SLC6A11: variants seen among roughly 807,000 people sequenced by gnomAD.
SLC6A11 encodes solute carrier family 6 member 11.
A neutral mutation model predicts 74.8 loss-of-function variants in SLC6A11; 25 were observed. That is an observed-to-expected ratio of 0.33 (90% CI 0.24 to 0.47). SLC6A11 has a LOEUF of 0.47. Among genes scored for constraint, SLC6A11 ranks in the 20% least tolerant of loss-of-function variants. The pLI, the probability that SLC6A11 is intolerant of heterozygous loss-of-function variation, is 1.00. For synonymous variants in SLC6A11, 330 were observed against 330.2 expected (o/e 1.00, Z 0.01); for missense variants, 574 against 837.0 (o/e 0.69, Z 3.88).
At chr3:10,838,146 G>A (rs549888231) in intron 4 of SLC6A11, among the ~76,000 whole-genome samples, 1 of 152,342 alleles carries the variant, frequency 6.6e-6, no homozygotes, top group South Asian at 2.1e-4. Flanking sequence ...CCCAGGCTGG[G>A]CTGGGACCTA....
chr3:10,880,602 C>T (rs1694963606), intron 6 of SLC6A11, among the ~76,000 whole-genome samples: 1 of 152,098 alleles, frequency 6.6e-6, no homozygotes, highest in Admixed American at 6.5e-5. Context: ...TCAGGCTGAG[C>T]TCCAGGATAC....
At chr3:10,827,634 A>T (rs1408664320) in intron 4 of SLC6A11, among the ~76,000 whole-genome samples, 2 of 152,202 alleles carry the variant, frequency 1.3e-5, no homozygotes, top group Admixed American at 1.3e-4. Context: ...ATTATAGTTC[A>T]ATCATTTGAC....
Position 10,915,297 on chromosome 3 carries a change from A to G in SLC6A11, c.996-3032A>G, listed in dbSNP as rs1444131588. Among the ~76,000 whole-genome samples the G allele has an allele frequency of 1.3e-5, 2 of 152,160 alleles. No homozygotes were observed. The highest frequency in any genetic ancestry group is 6.5e-5 in the Admixed American group (1 of 15,286). On this transcript the variant is annotated intron_variant, in intron 7 of 13. Transcript: ENST00000254488. This position sits in a 1 kb window ranked among gnomAD's most constrained non-coding sequence, Gnocchi z 4.3. ...GCGTGGAGGATGTATGCTGTCAGCC[A>G]TGGGTCCCTTCTGCTTCCCCCTCCA... is the stretch of plus-strand genomic sequence containing the variant.
intron 6 of SLC6A11, among the ~76,000 whole-genome samples, chr3:10,904,468 C>T (rs1695278441): frequency 6.6e-6 from 1 of 152,218 alleles, no homozygotes; most frequent in African/African-American, 2.4e-5. Flanking sequence ...AGCTGCACTG[C>T]CAGAACGCCC....
chr3:10,840,332 A>G (rs1694421676), intron 4 of SLC6A11, among the ~76,000 whole-genome samples: 1 of 151,926 alleles, frequency 6.6e-6, no homozygotes, highest in African/African-American at 2.4e-5. Context: ...TTCTTTGCTA[A>G]CTTTCCTTCT....
Position 10,933,165 on chromosome 3 carries a change from CT to C in SLC6A11, c.1388del (p.Phe463SerfsTer41), listed in dbSNP as rs1695712694. 1 of 1,613,774 alleles carries C rather than the reference CT, an allele frequency of 6.2e-7. No individual in the cohort carries two copies. The highest frequency in any genetic ancestry group is 8.5e-7 in the Non-Finnish European group (1 of 1,179,796). ...VMLTEGGMYI[F>X]QLFDSYAASG... The stretch of plus-strand genomic sequence containing the variant: ...CCGACCTGCAGGGTGGCATGTACAT[CT>C]TCCAGCTCTTTGACTCCTATGCCGC... On this transcript the variant is annotated frameshift_variant, in exon 11 of 14. Coordinates refer to ENST00000254488, the MANE Select transcript of SLC6A11 (RefSeq NM_014229.3). LOFTEE classifies it high-confidence loss of function.
chr3:10,929,289 C>T lies in SLC6A11; in HGVS notation c.1321C>T (p.Leu441=), dbSNP rs367634364. The change falls in exon 10 of 14, where the codon CTA becomes TTA. Residue 441 remains leucine, a synonymous_variant. Transcript: ENST00000254488. The part of the protein sequence containing the change: ...RRGYRRELLI[L]ALSVISYFLG... ...GGGTTACCGGCGGGAGCTGCTCATC[C>T]TAGCCTTGTCTGTTATCTCCTATTT... The T allele has an allele frequency of 3.1e-6, 5 of 1,614,036 alleles. No homozygotes were observed. In the African/African-American group the frequency reaches 6.7e-5, roughly 22 times the overall value.
chr3:10,819,366 C>T (rs1694106133), intron 1 of SLC6A11, 99 bp from the exon 2 acceptor site: 18 of 1,237,142 alleles, frequency 1.5e-5, no homozygotes, highest in Non-Finnish European at 1.9e-5. Flanking sequence ...GTTCAAAGAA[C>T]ATCATGTCTG....
At chr3:10,827,260 T>C (rs570404825) in intron 4 of SLC6A11, among the ~76,000 whole-genome samples, 12 of 152,310 alleles carry the variant, frequency 7.9e-5, no homozygotes, top group African/African-American at 2.9e-4. Flanking sequence ...TATTTTCCTA[T>C]GGAATAAATT....
intron 5 of SLC6A11, among the ~76,000 whole-genome samples, chr3:10,858,572 CTTATG>C (rs1189891977): frequency 6.6e-6 from 1 of 152,188 alleles, no homozygotes; most frequent in East Asian, 1.9e-4. Flanking sequence ...CAATCACTAA[CTTATG>C]TTATGTCATT....
chr3:10,875,196 C>T, intron 6 of SLC6A11, 101 bp downstream of exon 6: 2 of 1,022,936 alleles, frequency 2.0e-6, no homozygotes, highest in Non-Finnish European at 2.7e-6. Context: ...GCTGGTTGAA[C>T]AGTGGAAAGC....
intron 1 of SLC6A11, among the ~76,000 whole-genome samples, chr3:10,818,521 A>G (rs935472861): frequency 3.9e-5 from 6 of 152,238 alleles, no homozygotes; most frequent in African/African-American, 7.2e-5. Flanking sequence ...CAGAAAAGCT[A>G]AGACCCTTTC....
At chr3:10,876,766 C>CCA (rs1694913601) in intron 6 of SLC6A11, among the ~76,000 whole-genome samples, 1 of 91,264 alleles carries the variant, frequency 1.1e-5, no homozygotes, top group African/African-American at 4.2e-5. Flanking sequence ...ACCTCCCACA[C>CCA]AGAGAGAGAG....
At chr3:10,912,260 A>AGAGG in intron 7 of SLC6A11, 67 bp downstream of exon 7, 1 of 1,099,146 alleles carries the variant, frequency 9.1e-7, no homozygotes, top group Non-Finnish European at 1.4e-6. Context: ...CTGCCAGGCT[A>AGAGG]GTTTATGTTT....
chr3:10,844,125 A>G, intron 4 of SLC6A11, 89 bp from the exon 5 acceptor site: 2 of 1,508,528 alleles, frequency 1.3e-6, no homozygotes, highest in Non-Finnish European at 1.8e-6. Context: ...GAATGAGCAC[A>G]TGGGCCCATC....
chr3:10,833,981 C>G (rs1048245598), intron 4 of SLC6A11, among the ~76,000 whole-genome samples: 3 of 152,220 alleles, frequency 2.0e-5, no homozygotes, highest in African/African-American at 7.2e-5. Context: ...AAAAGGAAGT[C>G]ACATTTGGTT....
At chr3:10,922,229 A>G (rs886213561) in intron 8 of SLC6A11, among the ~76,000 whole-genome samples, 3 of 152,220 alleles carry the variant, frequency 2.0e-5, no homozygotes, top group Non-Finnish European at 2.9e-5. Flanking sequence ...CTATGCCATA[A>G]AACAAGCATC....
chr3:10,921,667 TA>T (rs1345555457), intron 8 of SLC6A11, among the ~76,000 whole-genome samples: 4 of 152,044 alleles, frequency 2.6e-5, no homozygotes, highest in Admixed American at 6.6e-5. Flanking sequence ...ATGGACCAGA[TA>T]CACTAATTAA....
chr3:10,890,915 A>G (rs1037883073), intron 6 of SLC6A11, among the ~76,000 whole-genome samples: 1 of 152,218 alleles, frequency 6.6e-6, no homozygotes, highest in East Asian at 1.9e-4. Flanking sequence ...TTGAACTTGG[A>G]TGCCCATATT....
Sources: gnomAD v4.1 joint callset for allele counts (sites outside exome capture counted in the v4.1 genomes callset) on GRCh38, gnomAD v4.1.1 for gene constraint, Gnocchi (gnomAD v3.1) non-coding constraint, MANE v1.5 for transcripts, NCBI Gene and HGNC (gene_info 2026-07-23, HGNC 2026-07-21) for gene names.